Variants in WWP1 observed in about 807,000 individuals in gnomAD.
WWP1 encodes NEDD4-like E3 ubiquitin-protein ligase WWP1.
Under a neutral mutation model 130.6 loss-of-function variants are expected in WWP1, and 49 were observed. The ratio of observed to expected loss-of-function variants is 0.38; its 90% CI spans 0.30 to 0.48. The LOEUF (loss-of-function observed/expected upper bound fraction) is 0.48. Among genes scored for constraint, WWP1 ranks in the 20% least tolerant of loss-of-function variants. The pLI is 0.99. For missense variants in WWP1, 809 were observed against 1,100.6 expected (o/e 0.74, Z 3.75); for synonymous variants, 332 against 367.8 (o/e 0.90, Z 1.11).
chr8:86,378,249 T>C (rs1175153844), intron 3 of WWP1, among the ~76,000 whole-genome samples: 16 of 152,192 alleles, frequency 1.1e-4, no homozygotes, highest in Non-Finnish European at 2.4e-4. Context: ...GGTGTTTTTA[T>C]TTTAAAATAA....
chr8:86,424,242 C>T (rs972644384), intron 9 of WWP1, among the ~76,000 whole-genome samples: 185 of 149,940 alleles, frequency 1.2e-3, no homozygotes, highest in Non-Finnish European at 1.5e-3. Flanking sequence ...ACATCTCAGA[C>T]GATGGGCGGC....
intron 3 of WWP1, among the ~76,000 whole-genome samples, 175 bp downstream of exon 3, chr8:86,374,295 A>G (rs1008079635): frequency 3.3e-5 from 5 of 152,214 alleles, no homozygotes; most frequent in Admixed American, 1.3e-4. Flanking sequence ...TATTCAGTAA[A>G]TATTTATTGA....
chr8:86,376,051 A>G (rs1232382983), intron 3 of WWP1, among the ~76,000 whole-genome samples: 1 of 152,258 alleles, frequency 6.6e-6, no homozygotes, highest in Non-Finnish European at 1.5e-5. Flanking sequence ...GTTTCTGTGA[A>G]TAATGGGCAT....
chr8:86,376,585 AAAAG>A (rs145632516), intron 3 of WWP1, among the ~76,000 whole-genome samples: 8,221 of 152,096 alleles, frequency 0.054, 308 homozygotes, highest in Non-Finnish European at 0.086. Context: ...AAAAGAAAGA[AAAAG>A]AAAAGAAAAA....
At chr8:86,445,474 C>T (rs577007164) in intron 18 of WWP1, among the ~76,000 whole-genome samples, 161 of 152,268 alleles carry the variant, frequency 1.1e-3, no homozygotes, top group Non-Finnish European at 1.1e-3. Flanking sequence ...AAAATGGCCT[C>T]CATCTGCATC....
intron 1 of WWP1, among the ~76,000 whole-genome samples, chr8:86,348,362 G>T (rs1030167065): frequency 6.6e-6 from 1 of 152,124 alleles, no homozygotes; most frequent in Non-Finnish European, 1.5e-5. Context: ...GGGATTGCAG[G>T]CATGCACCAC....
chr8:86,357,556 C>G (rs1823332530), intron 1 of WWP1, among the ~76,000 whole-genome samples: 1 of 152,148 alleles, frequency 6.6e-6, no homozygotes, highest in Admixed American at 6.6e-5. Flanking sequence ...TAAACACTTC[C>G]AGTATGCCAA....
chr8:86,442,883 A>G, intron 18 of WWP1, 105 bp downstream of exon 18: 1 of 1,237,750 alleles, frequency 8.1e-7, no homozygotes, highest in Non-Finnish European at 1.1e-6. Flanking sequence ...GCTATTCACA[A>G]GTTTTGTTAC....
chr8:86,455,680 G>A (rs73257093), intron 21 of WWP1, among the ~76,000 whole-genome samples: 8,226 of 151,946 alleles, frequency 0.054, 377 homozygotes, highest in African/African-American at 0.12. Context: ...AGAGATATAC[G>A]ATGTTATATT....
At chr8:86,448,127 A>T (rs1586486428) in intron 18 of WWP1, 21 bp from the exon 19 acceptor site, 1 of 1,538,336 alleles carries the variant, frequency 6.5e-7, no homozygotes, top group Admixed American at 2.5e-5. Flanking sequence ...TTTAAATAAA[A>T]TTTTTCATTT....
At chr8:86,369,922 G>A (rs1391505484) in intron 2 of WWP1, among the ~76,000 whole-genome samples, 7 of 151,746 alleles carry the variant, frequency 4.6e-5, no homozygotes, top group Admixed American at 3.3e-4. Context: ...AAAAACCCAT[G>A]TAATTTGAGT....
At chr8:86,354,350 AGTTT>A (rs1823134916) in intron 1 of WWP1, among the ~76,000 whole-genome samples, 1 of 152,182 alleles carries the variant, frequency 6.6e-6, no homozygotes, top group Admixed American at 6.5e-5. Context: ...CAGTGCCTGT[AGTTT>A]GTTTGGCAAA....
At chr8:86,465,792 A>G (rs1303585663) in intron 24 of WWP1, among the ~76,000 whole-genome samples, 1 of 152,230 alleles carries the variant, frequency 6.6e-6, no homozygotes, top group Non-Finnish European at 1.5e-5. Flanking sequence ...ACCTTGAAGT[A>G]TAAAGGGGAG....
intron 20 of WWP1, among the ~76,000 whole-genome samples, chr8:86,452,140 C>A (rs1586495634): frequency 6.6e-6 from 1 of 151,926 alleles, no homozygotes; most frequent in African/African-American, 2.4e-5. Flanking sequence ...AGGTCTGTCA[C>A]GGCAATGCTT....
At chr8:86,404,432 G>A (rs1808163286) in intron 8 of WWP1, among the ~76,000 whole-genome samples, 1 of 152,164 alleles carries the variant, frequency 6.6e-6, no homozygotes, top group African/African-American at 2.4e-5. Context: ...CCTCATCATA[G>A]AATCTTATTT....
chr8:86,456,956 A>G (rs1261281028), intron 21 of WWP1, among the ~76,000 whole-genome samples: 2 of 151,968 alleles, frequency 1.3e-5, no homozygotes, highest in Non-Finnish European at 2.9e-5. Context: ...ATCACCTAAA[A>G]CTAGAGATGA....
At position 86,466,103 on chromosome 8, in the gene WWP1, C is replaced by A. The variant is rs542920642; in HGVS notation, c.2670-691C>A. ...GGACCAAAACCCTGAACACCCGAAT[C>A]CTAATCTAGCTACTCAGTGCTGTAC... On this transcript the variant is annotated intron_variant, in intron 24 of 24. Transcript: ENST00000517970. 2.5e-4 allele frequency among the ~76,000 whole-genome samples: 38 copies of A among 152,272 alleles called. No individual in the cohort carries two copies. The South Asian group carries it at 7.0e-3, about 28-fold the overall frequency.
chr8:86,423,819 C>CA (rs1352460287), intron 9 of WWP1, among the ~76,000 whole-genome samples: 1 of 149,566 alleles, frequency 6.7e-6, no homozygotes, highest in Non-Finnish European at 1.5e-5. Flanking sequence ...GCGCCCCCCC[C>CA]CCACCTCCCG....
chr8:86,376,386 T>G (rs1402923866), intron 3 of WWP1, among the ~76,000 whole-genome samples: 1 of 152,062 alleles, frequency 6.6e-6, no homozygotes. Context: ...CTGGCCAACA[T>G]GGTGAAACCC....
Sources: gnomAD v4.1 joint callset for allele counts (sites outside exome capture counted in the v4.1 genomes callset) on GRCh38, gnomAD v4.1.1 for gene constraint, MANE v1.5 for transcripts, NCBI Gene and HGNC (gene_info 2026-07-23, HGNC 2026-07-21) for gene names.